RBFOX1: variants seen among roughly 807,000 people sequenced by gnomAD.
The protein encoded by RBFOX1 is RNA binding fox-1 homolog 1.
In RBFOX1, 8 loss-of-function variants were observed where a neutral mutation model predicts 57.7. The ratio of observed to expected loss-of-function variants is 0.14; its 90% CI spans 0.08 to 0.25. The LOEUF (loss-of-function observed/expected upper bound fraction) is 0.25. Among genes scored for constraint, RBFOX1 ranks in the 10% least tolerant of loss-of-function variants. The pLI is 1.00. For missense variants in RBFOX1, 611 were observed against 548.5 expected (o/e 1.11, Z -1.14); for synonymous variants, 326 against 222.4 (o/e 1.47, Z -4.15).
At chr16:7,373,724 G>C (rs2097623012) in intron 4 of RBFOX1, among the ~76,000 whole-genome samples, 1 of 152,208 alleles carries the variant, frequency 6.6e-6, no homozygotes. Context: ...CATTGCAATA[G>C]TTGATACAGG....
At chr16:6,344,689 G>T (rs1015553088) in intron 2 of RBFOX1, among the ~76,000 whole-genome samples, 10 of 135,226 alleles carry the variant, frequency 7.4e-5, no homozygotes, top group Non-Finnish European at 3.1e-5. Flanking sequence ...GAGCCACCGA[G>T]CCCGGTTTTT....
At chr16:5,286,863 T>A (rs573002875) in intron 1 of RBFOX1, among the ~76,000 whole-genome samples, 1 of 152,368 alleles carries the variant, frequency 6.6e-6, no homozygotes, top group African/African-American at 2.4e-5. Context: ...ATTTAATTTA[T>A]ACAAACAGTC....
intron 3 of RBFOX1, among the ~76,000 whole-genome samples, chr16:5,681,338 C>A (rs2050328329): frequency 6.6e-6 from 1 of 151,284 alleles, no homozygotes; most frequent in Non-Finnish European, 1.5e-5. Flanking sequence ...CCCGCCTCGG[C>A]CTCCCAAAGT....
chr16:5,952,371 A>G (rs2059539260), intron 4 of RBFOX1, among the ~76,000 whole-genome samples: 1 of 151,944 alleles, frequency 6.6e-6, no homozygotes, highest in African/African-American at 2.4e-5. Context: ...GTCTGGTCTC[A>G]AATTCCTGAC....
chr16:7,010,013 A>C (rs1015076498), intron 3 of RBFOX1, among the ~76,000 whole-genome samples: 3 of 149,012 alleles, frequency 2.0e-5, no homozygotes, highest in Non-Finnish European at 4.4e-5. Flanking sequence ...GACTTGATAG[A>C]AGCTCAGAGA....
intron 3 of RBFOX1, among the ~76,000 whole-genome samples, chr16:5,703,211 A>G (rs977827064): frequency 3.3e-5 from 5 of 152,258 alleles, no homozygotes; most frequent in Non-Finnish European, 7.3e-5. Flanking sequence ...ACTTTGAGGT[A>G]TTACAGGACA....
rs531651898 is a variant in RBFOX1 at position 6,526,274 on chromosome 16, C to A, written c.-63-128329C>A. On this transcript the variant is annotated intron_variant, in intron 2 of 15. Coordinates refer to ENST00000550418, the MANE Select transcript of RBFOX1 (RefSeq NM_018723.4). ...AGTAATAGAGTATTGGGTTTCCTAT[C>A]GTGCTGTTATGATTGGGACAAGCGG... is the stretch of plus-strand genomic sequence containing the variant. Among the ~76,000 whole-genome samples, 7 of 152,290 alleles carry A rather than the reference C, an allele frequency of 4.6e-5. No individual in the cohort carries two copies. In the East Asian group the frequency reaches 1.2e-3, roughly 25 times the overall value.
intron 2 of RBFOX1, among the ~76,000 whole-genome samples, chr16:6,627,614 G>A (rs909259669): frequency 2.0e-5 from 3 of 152,098 alleles, no homozygotes; most frequent in Admixed American, 2.0e-4. Context: ...TACTATTAAC[G>A]CCTATACTTA....
At chr16:6,694,096 C>T (rs923695820) in intron 3 of RBFOX1, among the ~76,000 whole-genome samples, 6 of 152,194 alleles carry the variant, frequency 3.9e-5, no homozygotes, top group Admixed American at 3.3e-4. Flanking sequence ...AATAATTCAA[C>T]ACCCAGGTTT....
intron 2 of RBFOX1, among the ~76,000 whole-genome samples, chr16:6,388,836 A>G (rs374467867): frequency 1.1e-4 from 17 of 152,226 alleles, no homozygotes; most frequent in African/African-American, 3.9e-4. Context: ...AGGCACAAAC[A>G]TACAAATACA....
At chr16:5,541,503 GCTTCCAGGT>G (rs2044950479) in intron 2 of RBFOX1, among the ~76,000 whole-genome samples, 1 of 152,088 alleles carries the variant, frequency 6.6e-6, no homozygotes, top group South Asian at 2.1e-4. Context: ...CAGGGAGGGG[GCTTCCAGGT>G]CACTGGTAGG....
chr16:7,330,507 T>TA (rs1382325223), intron 4 of RBFOX1, among the ~76,000 whole-genome samples: 16 of 76,624 alleles, frequency 2.1e-4, no homozygotes, highest in South Asian at 1.9e-3. Context: ...TGTGTGTGTG[T>TA]GTTTGTGTGT....
In RBFOX1 at chr16:6,899,268, G is replaced by A. The variant is rs976529186; in HGVS notation, c.-15-152789G>A. 7.9e-5 allele frequency among the ~76,000 whole-genome samples: 12 copies of A among 151,978 alleles called. No individual in the cohort carries two copies. In the South Asian group the frequency reaches 1.0e-3, roughly 13 times the overall value. On this transcript the variant is annotated intron_variant, in intron 3 of 15. Transcript: ENST00000550418. ...ATGTTTGCGTGCATGTGTGTATAAC[G>A]TGTGCATGTATGTGTGTATAATACA...
At chr16:5,647,885 A>C (rs1305779747) in intron 3 of RBFOX1, among the ~76,000 whole-genome samples, 1 of 151,986 alleles carries the variant, frequency 6.6e-6, no homozygotes, top group South Asian at 2.1e-4. Context: ...TTTGAGATGG[A>C]GTTTCATTCT....
chr16:6,604,460 A>G (rs1215065295), intron 2 of RBFOX1, among the ~76,000 whole-genome samples: 1 of 152,114 alleles, frequency 6.6e-6, no homozygotes, highest in Non-Finnish European at 1.5e-5. Context: ...TTCTTGTTAT[A>G]TAAGAAAGTA....
At chr16:6,888,694 A>G (rs1301608920) in intron 3 of RBFOX1, among the ~76,000 whole-genome samples, 1 of 152,144 alleles carries the variant, frequency 6.6e-6, no homozygotes, top group African/African-American at 2.4e-5. Context: ...AGATCCTAGT[A>G]AAAAAGCTGG....
chr16:7,635,024 C>T (rs1052772360), intron 11 of RBFOX1, among the ~76,000 whole-genome samples: 1 of 152,176 alleles, frequency 6.6e-6, no homozygotes, highest in Non-Finnish European at 1.5e-5. Context: ...CTGTTCATTC[C>T]ATTCCGAAGG....
chr16:6,652,179 G>A (rs141786354), intron 2 of RBFOX1, among the ~76,000 whole-genome samples: 89 of 152,270 alleles, frequency 5.8e-4, no homozygotes, highest in African/African-American at 1.9e-3. Context: ...CACACCTTAC[G>A]GTGGCTCACA....
chr16:7,311,589 T>C (rs2096310670), intron 4 of RBFOX1, among the ~76,000 whole-genome samples: 1 of 150,580 alleles, frequency 6.6e-6, no homozygotes, highest in Non-Finnish European at 1.5e-5. Flanking sequence ...CTTCCATAGA[T>C]CAGCTTCCTC....
Sources: gnomAD v4.1 joint callset for allele counts (sites outside exome capture counted in the v4.1 genomes callset) on GRCh38, gnomAD v4.1.1 for gene constraint, MANE v1.5 for transcripts, NCBI Gene and HGNC (gene_info 2026-07-23, HGNC 2026-07-21) for gene names.